The following ST3GAL1 variants were observed in gnomAD, a reference collection of about 807,000 sequenced individuals.
ST3GAL1 encodes the protein ST3 beta-galactoside alpha-2,3-sialyltransferase 1, also known as CMP-N-acetylneuraminate-beta-galactosamide-alpha-2,3-sialyltransferase 1.
Under a neutral mutation model 34.1 loss-of-function variants are expected in ST3GAL1, and 16 were observed. That is an observed-to-expected ratio of 0.47 (90% CI 0.32 to 0.71). ST3GAL1 has a LOEUF of 0.71. Among genes scored for constraint, ST3GAL1 ranks in the 30% least tolerant of loss-of-function variants. ST3GAL1 has a pLI of 0.04. For synonymous variants in ST3GAL1, 191 were observed against 184.7 expected, an observed-to-expected ratio of 1.03 and a Z score of -0.28; for missense variants, 353 against 447.4, an observed-to-expected ratio of 0.79 and a Z score of 1.90.
chr8:133,561,091 G>A (rs1819206229), intron 1 of ST3GAL1, among the ~76,000 whole-genome samples: 1 of 150,196 alleles, frequency 6.7e-6, no homozygotes, highest in South Asian at 2.1e-4. Context: ...CCTTACTCAA[G>A]GTTTGCCCAG....
At position 133,461,540 on chromosome 8, in the gene ST3GAL1, G is replaced by A. The variant is rs1020180281; in HGVS notation, c.849+335C>T. Among the ~76,000 whole-genome samples, 3 of 152,132 alleles carry A rather than the reference G, an allele frequency of 2.0e-5. No individual in the cohort carries two copies. The highest frequency in any genetic ancestry group is 4.8e-5 in the African/African-American group (2 of 41,406). Reference sequence around the variant, plus strand: ...CCACAGATGATTCTAAGGAGCAAGTGGGATTGAGAACTGTGGCCTTAGACA... The same window carrying A: ...CCACAGATGATTCTAAGGAGCAAGTAGGATTGAGAACTGTGGCCTTAGACA... On this transcript the variant is annotated intron_variant, in intron 9 of 9. Coordinates refer to ENST00000522652, the MANE Select transcript of ST3GAL1 (RefSeq NM_173344.3). The surrounding 1 kb of genome is among the most constrained non-coding windows in gnomAD (Gnocchi z 4.7).
intron 2 of ST3GAL1, among the ~76,000 whole-genome samples, chr8:133,535,525 A>ATTTTTTTTTTTTTTTTTTTTTT (rs112708766): frequency 6.9e-5 from 10 of 145,010 alleles, no homozygotes; most frequent in African/African-American, 2.7e-4. Context: ...GTATTTTTTA[A>ATTTTTTTTTTTTTTTTTTTTTT]TTTTTTTTTT....
chr8:133,471,049 T>C (rs1815934584), intron 5 of ST3GAL1, among the ~76,000 whole-genome samples: 1 of 152,232 alleles, frequency 6.6e-6, no homozygotes, highest in South Asian at 2.1e-4. Flanking sequence ...GAATGATGCA[T>C]CGCCTTCTGA....
intron 5 of ST3GAL1, among the ~76,000 whole-genome samples, chr8:133,474,230 G>C (rs1049079780): frequency 6.6e-6 from 1 of 152,152 alleles, no homozygotes; most frequent in African/African-American, 2.4e-5. Flanking sequence ...GCTCCAAGGG[G>C]AGTTGGACAT....
chr8:133,550,526 G>T (rs1458866141), intron 1 of ST3GAL1, among the ~76,000 whole-genome samples: 2 of 152,176 alleles, frequency 1.3e-5, no homozygotes, highest in Non-Finnish European at 2.9e-5. Flanking sequence ...TAGACCCGGG[G>T]TTCAGTGTTC....
At chr8:133,551,748 G>T (rs1404299018) in intron 1 of ST3GAL1, among the ~76,000 whole-genome samples, 1 of 152,166 alleles carries the variant, frequency 6.6e-6, no homozygotes, top group Non-Finnish European at 1.5e-5. Flanking sequence ...CTTTGATACT[G>T]GTAGTAGCAA....
intron 2 of ST3GAL1, among the ~76,000 whole-genome samples, chr8:133,528,099 C>T (rs550354351): frequency 3.9e-5 from 6 of 152,044 alleles, no homozygotes; most frequent in African/African-American, 7.2e-5. Context: ...TGCTTGAACC[C>T]GGGAGGCGGA....
intron 2 of ST3GAL1, among the ~76,000 whole-genome samples, chr8:133,535,458 T>C (rs1211278394): frequency 1.3e-5 from 2 of 152,170 alleles, no homozygotes; most frequent in Non-Finnish European, 2.9e-5. Flanking sequence ...GGCAAGTCTA[T>C]TGGTGCCATT....
chr8:133,486,781 C>G (rs1429477360), intron 3 of ST3GAL1, among the ~76,000 whole-genome samples: 1 of 152,218 alleles, frequency 6.6e-6, no homozygotes, highest in Non-Finnish European at 1.5e-5. Flanking sequence ...ACCCCCAACC[C>G]CAGGGACAGC....
At chr8:133,487,897 G>A (rs1816664599) in intron 3 of ST3GAL1, among the ~76,000 whole-genome samples, 1 of 151,602 alleles carries the variant, frequency 6.6e-6, no homozygotes, top group African/African-American at 2.4e-5. Flanking sequence ...GAACCCGGGA[G>A]GCAGAGGTTG....
chr8:133,567,466 T>TA (rs1819436772), intron 1 of ST3GAL1: 1 of 152,194 alleles, frequency 6.6e-6, no homozygotes. Context: ...ATTTTTACAT[T>TA]AAAGTGAAAG....
intron 2 of ST3GAL1, among the ~76,000 whole-genome samples, chr8:133,539,404 A>C (rs891002843): frequency 6.6e-6 from 1 of 152,200 alleles, no homozygotes; most frequent in Non-Finnish European, 1.5e-5. Flanking sequence ...AAAGAACCAG[A>C]GCACGTCCAG....
At chr8:133,465,009 A>G in intron 6 of ST3GAL1, 52 bp from the exon 7 acceptor site, 1 of 1,553,738 alleles carries the variant, frequency 6.4e-7, no homozygotes, top group Non-Finnish European at 8.7e-7. Context: ...ACCCGTTCTC[A>G]GACAGCCTGA....
At chr8:133,483,058 C>A (rs1046883374) in intron 3 of ST3GAL1, among the ~76,000 whole-genome samples, 1 of 152,110 alleles carries the variant, frequency 6.6e-6, no homozygotes, top group Non-Finnish European at 1.5e-5. Flanking sequence ...AATGCTCACG[C>A]AGGCCGGGCA....
At chr8:133,520,498 CCCA>C (rs1264273033) in intron 2 of ST3GAL1, among the ~76,000 whole-genome samples, 3 of 152,128 alleles carry the variant, frequency 2.0e-5, no homozygotes, top group African/African-American at 7.2e-5. Context: ...TGGGTATGGG[CCCA>C]CCTAGGACCT....
chr8:133,486,469 C>T (rs759322494), intron 3 of ST3GAL1, among the ~76,000 whole-genome samples: 1 of 152,216 alleles, frequency 6.6e-6, no homozygotes, highest in Admixed American at 6.5e-5. Flanking sequence ...CAGGCCTGGA[C>T]CCACTCAACG....
In ST3GAL1 at chr8:133,547,785, C is replaced by T. The variant is rs573836258; in HGVS notation, c.-581-1859G>A. On this transcript the variant is annotated intron_variant, in intron 1 of 9. Transcript: ENST00000522652. ...TACAACCACTGAGGTTTCTTTATAC[C>T]GCTGGCAATGGTGATACATGAGGAT... is the stretch of plus-strand genomic sequence containing the variant. Among the ~76,000 whole-genome samples, 113 of 152,260 alleles carry T rather than the reference C, an allele frequency of 7.4e-4. 1 individual carries two copies. Among genetic ancestry groups the T allele is most frequent in the South Asian group, 2.7e-3 (13 of 4,824 alleles).
At chr8:133,560,827 G>A (rs566520180) in intron 1 of ST3GAL1, among the ~76,000 whole-genome samples, 2 of 152,318 alleles carry the variant, frequency 1.3e-5, no homozygotes, top group East Asian at 3.9e-4. Flanking sequence ...CCTCGGTTAA[G>A]TGACTTAACC....
rs1033881903 is a variant in ST3GAL1, at chr8:133,484,839, C to T, written c.-373-8239G>A. ...CTAAGGGGTACTCCTGGCCTGATAC[C>T]GCTGACCCTGGGTGATGAGGCCTTC... On this transcript the variant is annotated intron_variant, in intron 3 of 9. Coordinates refer to ENST00000522652, the MANE Select transcript of ST3GAL1 (RefSeq NM_173344.3). Among the ~76,000 whole-genome samples the T allele has an allele frequency of 3.9e-5, 6 of 152,142 alleles. 1 individual carries two copies. The highest frequency in any genetic ancestry group is 3.2e-3 in the Middle Eastern group (1 of 316).
Sources: gnomAD v4.1 joint callset for allele counts (sites outside exome capture counted in the v4.1 genomes callset) on GRCh38, gnomAD v4.1.1 for gene constraint, Gnocchi (gnomAD v3.1) non-coding constraint, MANE v1.5 for transcripts, NCBI Gene and HGNC (gene_info 2026-07-23, HGNC 2026-07-21) for gene names.